Variants in SPOCK3 observed in about 807,000 individuals in gnomAD.
SPOCK3 encodes SPARC (osteonectin), cwcv and kazal like domains proteoglycan 3.
A neutral mutation model predicts 56.6 loss-of-function variants in SPOCK3; 30 were observed. The ratio of observed to expected loss-of-function variants is 0.53; its 90% CI spans 0.40 to 0.72. SPOCK3 has a LOEUF of 0.72. Ranked by LOEUF, SPOCK3 falls within the 30% of genes least tolerant of loss-of-function variation. The probability of loss-of-function intolerance (pLI) is 0.00; values close to 1 mark genes in which losing one functional copy is unlikely to be tolerated. For missense variants in SPOCK3, 527 were observed against 530.0 expected (o/e 0.99, Z 0.06); for synonymous variants, 196 against 183.3 (o/e 1.07, Z -0.56).
intron 2 of SPOCK3, among the ~76,000 whole-genome samples, chr4:167,164,127 A>T (rs1274170339): frequency 1.3e-5 from 2 of 152,114 alleles, no homozygotes; most frequent in Admixed American, 1.3e-4. Flanking sequence ...TCCAGACAAG[A>T]ACTAACAAAG....
chr4:166,835,426 A>C (rs949713533), intron 6 of SPOCK3, among the ~76,000 whole-genome samples: 3 of 152,214 alleles, frequency 2.0e-5, no homozygotes, highest in Non-Finnish European at 4.4e-5. Flanking sequence ...TTTTTTAAAC[A>C]TCTGAAGTTA....
At chr4:166,825,856 A>G (rs1745407454) in intron 6 of SPOCK3, among the ~76,000 whole-genome samples, 1 of 152,100 alleles carries the variant, frequency 6.6e-6, no homozygotes, top group Admixed American at 6.6e-5. Flanking sequence ...ATGCAAAGGC[A>G]TAAGAACAAT....
chr4:167,177,212 T>C (rs999881199), intron 2 of SPOCK3, among the ~76,000 whole-genome samples: 5 of 151,918 alleles, frequency 3.3e-5, no homozygotes. Flanking sequence ...TGGTAGAGGA[T>C]GGCAATTCTT....
At chr4:167,193,592 C>T (rs1419981741) in intron 2 of SPOCK3, among the ~76,000 whole-genome samples, 1 of 145,812 alleles carries the variant, frequency 6.9e-6, no homozygotes, top group African/African-American at 2.6e-5. Flanking sequence ...CAGAATATCC[C>T]AATTTCACTA....
chr4:166,977,962 A>C (rs946395803), intron 4 of SPOCK3, among the ~76,000 whole-genome samples: 9 of 152,182 alleles, frequency 5.9e-5, no homozygotes, highest in Non-Finnish European at 1.3e-4. Flanking sequence ...AAGTCTAGCC[A>C]TGATTCAAAG....
intron 4 of SPOCK3, among the ~76,000 whole-genome samples, chr4:166,943,550 AGTT>A (rs1741364655): frequency 6.6e-6 from 1 of 152,232 alleles, no homozygotes; most frequent in Admixed American, 6.5e-5. Context: ...AACCTCAAGT[AGTT>A]GTTCAATTTT....
intron 7 of SPOCK3, among the ~76,000 whole-genome samples, chr4:166,765,940 T>C (rs1737974331): frequency 6.6e-6 from 1 of 152,108 alleles, no homozygotes; most frequent in Non-Finnish European, 1.5e-5. Flanking sequence ...TTTTATTCTC[T>C]TTGAAGCAAT....
chr4:166,796,832 A>G lies in SPOCK3; in HGVS notation c.590-4543T>C, dbSNP rs1358981175. ...TCTTCCTGATGGGATTGATTTGTAT[A>G]TAAGTGTAGTACAGTTAAAATCTGG... On this transcript the variant is annotated intron_variant, in intron 6 of 10. Transcript: ENST00000357545. Among the ~76,000 whole-genome samples, 7 of 152,208 alleles carry G rather than the reference A, an allele frequency of 4.6e-5. No homozygotes were observed. The East Asian group carries it at 9.6e-4, about 21-fold the overall frequency.
chr4:166,769,079 G>A (rs1206895221), intron 7 of SPOCK3, among the ~76,000 whole-genome samples: 1 of 151,938 alleles, frequency 6.6e-6, no homozygotes, highest in East Asian at 1.9e-4. Context: ...ATTCTAGTTA[G>A]CCATTTGTCT....
intron 2 of SPOCK3, among the ~76,000 whole-genome samples, chr4:167,213,379 T>C (rs1175216353): frequency 6.6e-6 from 1 of 152,212 alleles, no homozygotes; most frequent in Non-Finnish European, 1.5e-5. Flanking sequence ...TTCTGCTATT[T>C]GATGATATTA....
At chr4:167,218,220 TA>T in intron 2 of SPOCK3, among the ~76,000 whole-genome samples, 1 of 152,094 alleles carries the variant, frequency 6.6e-6, no homozygotes, top group Non-Finnish European at 1.5e-5. Flanking sequence ...TGCCCTTAGC[TA>T]AAAAATAATC....
Position 166,734,938 on chromosome 4 carries a change from G to A in SPOCK3, c.1285C>T (p.His429Tyr). Residue 429 changes from histidine to tyrosine, a missense_variant, in exon 11 of 11, where the codon CAT becomes TAT. By Grantham distance (83) the His-to-Tyr change is moderately conservative. Transcript: ENST00000357545. ...EGDDDDGGDD[H>Y]DVYI ...GTCATCAATCAAATGTATACATCAT[G>A]GTCATCACCACCATCATCATCATCC... 2 of 1,550,072 alleles carry A rather than the reference G, an allele frequency of 1.3e-6. No individual in the cohort carries two copies. Among genetic ancestry groups the A allele is most frequent in the Non-Finnish European group, 1.8e-6 (2 of 1,127,164 alleles).
chr4:166,988,967 C>T (rs183078604), intron 4 of SPOCK3, among the ~76,000 whole-genome samples: 282 of 152,132 alleles, frequency 1.9e-3, no homozygotes, highest in African/African-American at 6.3e-3. Context: ...AATTAAATAT[C>T]TCTAAAGAAT....
intron 7 of SPOCK3, among the ~76,000 whole-genome samples, chr4:166,762,451 G>A (rs1737369257): frequency 6.6e-6 from 1 of 151,892 alleles, no homozygotes. Context: ...ATGAATATCT[G>A]TTATCTACCT....
intron 2 of SPOCK3, among the ~76,000 whole-genome samples, chr4:167,077,588 C>T (rs1757313893): frequency 6.6e-6 from 1 of 151,870 alleles, no homozygotes; most frequent in Admixed American, 6.6e-5. Context: ...AATTCTGCTT[C>T]CCTGTTCCTT....
chr4:167,058,163 G>A (rs926730166), intron 3 of SPOCK3, among the ~76,000 whole-genome samples: 2 of 152,124 alleles, frequency 1.3e-5, no homozygotes, highest in African/African-American at 2.4e-5. Context: ...AATTAGGCAG[G>A]AGAAGGAAAT....
chr4:167,116,677 GTA>G (rs1171371071), intron 2 of SPOCK3, among the ~76,000 whole-genome samples: 1 of 73,376 alleles, frequency 1.4e-5, no homozygotes, highest in Non-Finnish European at 2.8e-5. Context: ...TAGTATATAT[GTA>G]TATATACACA....
intron 7 of SPOCK3, among the ~76,000 whole-genome samples, chr4:166,772,161 A>G (rs908075984): frequency 6.6e-6 from 1 of 152,140 alleles, no homozygotes; most frequent in African/African-American, 2.4e-5. Context: ...ATAAACAGTA[A>G]TGATTTATTA....
intron 2 of SPOCK3, among the ~76,000 whole-genome samples, chr4:167,205,511 A>ATATAT (rs1734163299): frequency 1.3e-4 from 7 of 52,000 alleles, no homozygotes; most frequent in African/African-American, 6.1e-4. Context: ...ATATTATATA[A>ATATAT]TATATATTAT....
Sources: gnomAD v4.1 joint callset for allele counts (sites outside exome capture counted in the v4.1 genomes callset) on GRCh38, gnomAD v4.1.1 for gene constraint, MANE v1.5 for transcripts, NCBI Gene and HGNC (gene_info 2026-07-23, HGNC 2026-07-21) for gene names.